The following CAB39 variants were observed in gnomAD, a reference collection of about 807,000 sequenced individuals.
CAB39 encodes calcium-binding protein 39.
Under a neutral mutation model 40.0 loss-of-function variants are expected in CAB39, and 8 were observed. The observed-to-expected ratio is 0.20, with a 90% CI of 0.12 to 0.36. CAB39 has a LOEUF of 0.36. CAB39 is among the 10% of genes least tolerant of loss of function. CAB39 has a pLI of 1.00. For synonymous variants in CAB39, 156 were observed against 141.6 expected (o/e 1.10, Z -0.72); for missense variants, 270 against 401.1 (o/e 0.67, Z 2.79).
chr2:230,730,538 G>T (rs1047044889), intron 1 of CAB39, among the ~76,000 whole-genome samples: 6 of 151,078 alleles, frequency 4.0e-5, no homozygotes, highest in Non-Finnish European at 7.4e-5. Context: ...TCCGCCTCCT[G>T]GGTTCAAGTG....
intron 1 of CAB39, among the ~76,000 whole-genome samples, chr2:230,739,152 A>G (rs1694834531): frequency 6.6e-6 from 1 of 152,232 alleles, no homozygotes; most frequent in African/African-American, 2.4e-5. Context: ...ATGTTTGCCC[A>G]TGATCATATG....
intron 1 of CAB39, among the ~76,000 whole-genome samples, chr2:230,714,399 C>T (rs1368327334): frequency 6.6e-6 from 1 of 152,184 alleles, no homozygotes; most frequent in Non-Finnish European, 1.5e-5. Context: ...CAAGTAAATC[C>T]ATGCCCAGGC....
In CAB39 at chr2:230,713,056, AGCC is replaced by A. The variant is rs1435506631; in HGVS notation, c.-206_-204del. 2.7e-5 allele frequency: 4 copies of A among 150,654 alleles called. No individual in the cohort carries two copies. Among genetic ancestry groups the A allele is most frequent in the Non-Finnish European group, 1.5e-5 (1 of 67,526 alleles). 9.3% of individuals were successfully genotyped at this position (150,654 alleles called of 1,614,324 possible). Reference sequence around the variant, plus strand: ...CCCCTGGGCAGCCGTCCGCCCGCGCAGCCGCCGCCGCCGCGGGAGCCCGTCGCC... The same window carrying A: ...CCCCTGGGCAGCCGTCCGCCCGCGCAGCCGCCGCCGCGGGAGCCCGTCGCC... On this transcript the variant is annotated 5_prime_UTR_variant, in exon 1 of 9. Transcript: ENST00000258418.
At chr2:230,730,755 T>C (rs552547392) in intron 1 of CAB39, among the ~76,000 whole-genome samples, 20 of 152,320 alleles carry the variant, frequency 1.3e-4, no homozygotes, top group African/African-American at 2.4e-4. Context: ...AGAAAACTTA[T>C]ATGAATATCC....
rs1270625455 is a variant in CAB39, at chr2:230,810,271, T to C, written c.576T>C (p.Leu192=). The C allele has an allele frequency of 6.9e-7, 1 of 1,450,496 alleles. No individual in the cohort carries two copies. The highest frequency in any genetic ancestry group is 9.4e-7 in the Non-Finnish European group (1 of 1,059,320). 89.9% of individuals were successfully genotyped at this position (1,450,496 alleles called of 1,614,324 possible). ...SDAFATFKDL[L]TRHKLLSAEF... ...TTTTTTTCTTTTTGTAGGATTTACT[T>C]ACAAGACATAAATTGCTCAGTGCAG... The change falls in exon 6 of 9, where the codon CTT becomes CTC. Residue 192 remains leucine, a synonymous_variant. Coordinates refer to ENST00000258418, the MANE Select transcript of CAB39 (RefSeq NM_016289.4).
In CAB39 at chr2:230,820,643, G is replaced by A. The variant is rs1575969953; in HGVS notation, c.*1939G>A. The A allele has an allele frequency of 1.3e-5, 2 of 152,642 alleles. No homozygotes were observed. The highest frequency in any genetic ancestry group is 4.1e-4 in the South Asian group (2 of 4,832). 9.5% of individuals were successfully genotyped at this position (152,642 alleles called of 1,614,324 possible). A position where few individuals can be genotyped will look rare whatever the true frequency, so the allele number is the denominator to read the frequency against. On this transcript the variant is annotated 3_prime_UTR_variant, in exon 9 of 9. Transcript: ENST00000258418. ...CTCATTCTTAGAACTTACACATCTAGAACAGCTTCCACTTTGGCAGTGAGG... is the reference window on the plus strand; with the variant it reads ...CTCATTCTTAGAACTTACACATCTAAAACAGCTTCCACTTTGGCAGTGAGG...
At chr2:230,802,899 C>T (rs528504052) in intron 5 of CAB39, among the ~76,000 whole-genome samples, 1 of 152,274 alleles carries the variant, frequency 6.6e-6, no homozygotes, top group African/African-American at 2.4e-5. Flanking sequence ...TCTTCCCTAA[C>T]TCATTTTATG....
chr2:230,754,310 T>C (rs72995204), intron 1 of CAB39, among the ~76,000 whole-genome samples: 268 of 143,312 alleles, frequency 1.9e-3, no homozygotes, highest in Non-Finnish European at 3.0e-3. Flanking sequence ...TCTTCTTTCT[T>C]CCTTCTTCCT....
At chr2:230,810,731 G>A (rs760879454) in intron 6 of CAB39, among the ~76,000 whole-genome samples, 2 of 152,222 alleles carry the variant, frequency 1.3e-5, no homozygotes, top group Admixed American at 6.5e-5. Context: ...ACGGGAGCCC[G>A]GCTCTGCTCC....
At chr2:230,716,675 T>C (rs1255876947) in intron 1 of CAB39, among the ~76,000 whole-genome samples, 1 of 152,242 alleles carries the variant, frequency 6.6e-6, no homozygotes, top group Non-Finnish European at 1.5e-5. Context: ...GCACTGGGAT[T>C]ATAGGCCTGA....
At chr2:230,756,456 G>A (rs1400959634) in intron 1 of CAB39, among the ~76,000 whole-genome samples, 1 of 152,174 alleles carries the variant, frequency 6.6e-6, no homozygotes, top group Non-Finnish European at 1.5e-5. Context: ...GACTGTGTAA[G>A]ATATTTAAGC....
At position 230,810,339 on chromosome 2, in the gene CAB39, C is replaced by G; in HGVS notation, c.627+17C>G. 1 of 958,724 alleles carries G rather than the reference C, an allele frequency of 1.0e-6. No homozygotes were observed. Among genetic ancestry groups the G allele is most frequent in the East Asian group, 2.8e-5 (1 of 35,832 alleles). 59.4% of individuals were successfully genotyped at this position (958,724 alleles called of 1,614,324 possible). ...TATGATAGAGTAAGTATATGAAATACTATTTTTAAATAATAAATTGTAACT... is the reference window on the plus strand; with the variant it reads ...TATGATAGAGTAAGTATATGAAATAGTATTTTTAAATAATAAATTGTAACT... On this transcript the variant is annotated intron_variant, in intron 6 of 8. Coordinates refer to ENST00000258418, the MANE Select transcript of CAB39 (RefSeq NM_016289.4).
chr2:230,736,662 G>A (rs185956885), intron 1 of CAB39, among the ~76,000 whole-genome samples: 2 of 152,204 alleles, frequency 1.3e-5, no homozygotes, highest in Admixed American at 1.3e-4. Context: ...GCGAGCTCTG[G>A]GTCCTTAATA....
intron 2 of CAB39, among the ~76,000 whole-genome samples, chr2:230,764,434 TAAC>T (rs1695347131): frequency 6.6e-6 from 1 of 152,208 alleles, no homozygotes; most frequent in African/African-American, 2.4e-5. Flanking sequence ...ACTTTTGACT[TAAC>T]AATATTTTCA....
intron 4 of CAB39, among the ~76,000 whole-genome samples, chr2:230,796,832 G>A (rs1695995010): frequency 6.6e-6 from 1 of 152,122 alleles, no homozygotes; most frequent in Non-Finnish European, 1.5e-5. Flanking sequence ...AAAGAGAGAA[G>A]GCATCCTAAT....
rs1559614652 is a variant in CAB39 at position 230,798,712 on chromosome 2, G to GT, written c.399-11dup. The GT allele has an allele frequency of 1.9e-6, 3 of 1,572,892 alleles. No homozygotes were observed. The highest frequency in any genetic ancestry group is 1.2e-5 in the South Asian group (1 of 86,342). Reference sequence around the variant, plus strand: ...CAATCATGTTTGGTTTGTTTGTTTGGTTTTTTGTTTTTGCAGGTATGAATC... The same window carrying GT: ...CAATCATGTTTGGTTTGTTTGTTTGGTTTTTTTGTTTTTGCAGGTATGAATC... On this transcript the variant is annotated splice_polypyrimidine_tract_variant and intron_variant, in intron 4 of 8. Transcript: ENST00000258418.
At chr2:230,729,325 A>T (rs1433504593) in intron 1 of CAB39, among the ~76,000 whole-genome samples, 2 of 152,256 alleles carry the variant, frequency 1.3e-5, no homozygotes, top group Non-Finnish European at 2.9e-5. Flanking sequence ...ATGTTTGATA[A>T]TGTCTTGGCC....
chr2:230,785,922 T>G (rs1695781652), intron 2 of CAB39, among the ~76,000 whole-genome samples: 1 of 150,996 alleles, frequency 6.6e-6, no homozygotes, highest in Admixed American at 6.6e-5. Flanking sequence ...CCCAGCACTT[T>G]GGGAGGCCGA....
At chr2:230,763,352 G>T (rs951867875) in intron 2 of CAB39, among the ~76,000 whole-genome samples, 1 of 152,188 alleles carries the variant, frequency 6.6e-6, no homozygotes, top group African/African-American at 2.4e-5. Flanking sequence ...GACACCCTGG[G>T]AGGCCGAGGT....
Sources: gnomAD v4.1 joint callset for allele counts (sites outside exome capture counted in the v4.1 genomes callset) on GRCh38, gnomAD v4.1.1 for gene constraint, MANE v1.5 for transcripts, NCBI Gene and HGNC (gene_info 2026-07-23, HGNC 2026-07-21) for gene names.